Variants in FAM13A observed in about 807,000 individuals in gnomAD.
FAM13A encodes the protein protein FAM13A.
Under a neutral mutation model 129.6 loss-of-function variants are expected in FAM13A, and 76 were observed. That is an observed-to-expected ratio of 0.59 (90% confidence interval 0.49 to 0.71). The LOEUF (loss-of-function observed/expected upper bound fraction) is 0.71. Ranked by LOEUF, FAM13A falls within the 30% of genes least tolerant of loss-of-function variation. FAM13A has a pLI of 0.00. For synonymous variants in FAM13A, 443 were observed against 449.9 expected (o/e 0.98, Z 0.20); for missense variants, 1,108 against 1,249.3 (o/e 0.89, Z 1.70).
chr4:88,927,131 T>A (rs1372298977), intron 5 of FAM13A, among the ~76,000 whole-genome samples: 1 of 152,204 alleles, frequency 6.6e-6, no homozygotes, highest in East Asian at 1.9e-4. Context: ...ACAGTTTTTT[T>A]TCCACCGGTG....
chr4:88,818,844 C>T (rs1054934655), intron 7 of FAM13A, among the ~76,000 whole-genome samples: 1 of 152,218 alleles, frequency 6.6e-6, no homozygotes. Flanking sequence ...TCTCCACGAG[C>T]AGCAGAGGGC....
intron 7 of FAM13A, among the ~76,000 whole-genome samples, chr4:88,830,760 G>A (rs776460198): frequency 2.6e-5 from 4 of 152,150 alleles, no homozygotes; most frequent in Non-Finnish European, 5.9e-5. Flanking sequence ...GTGAAGAGGG[G>A]AGGGAAGAGC....
At chr4:88,764,842 A>G (rs887657148) in intron 13 of FAM13A, among the ~76,000 whole-genome samples, 3 of 152,170 alleles carry the variant, frequency 2.0e-5, no homozygotes, top group African/African-American at 7.2e-5. Flanking sequence ...CCAGTGTGTC[A>G]CTAAACAAAT....
At position 88,982,118 on chromosome 4, in the gene FAM13A, G is replaced by A. The variant is rs190102755; in HGVS notation, c.605+8855C>T. Reference sequence around the variant, plus strand: ...GGGTAGAGCCAAGGCAATCTGAGGAGGTCAGAAGGTGTCTGATACAAGTAC... The same window carrying A: ...GGGTAGAGCCAAGGCAATCTGAGGAAGTCAGAAGGTGTCTGATACAAGTAC... On this transcript the variant is annotated intron_variant, in intron 4 of 23. Transcript: ENST00000264344. 2.4e-4 allele frequency among the ~76,000 whole-genome samples: 36 copies of A among 152,318 alleles called. No individual in the cohort carries two copies. In the East Asian group the frequency reaches 6.2e-3, roughly 26 times the overall value.
At chr4:88,794,170 G>A (rs984320747) in intron 8 of FAM13A, among the ~76,000 whole-genome samples, 52 of 151,862 alleles carry the variant, frequency 3.4e-4, no homozygotes, top group Non-Finnish European at 5.9e-5. Context: ...ATATGGAAGC[G>A]TTCATTTCCT....
chr4:88,959,058 A>G (rs990264740), intron 4 of FAM13A, among the ~76,000 whole-genome samples: 2 of 152,334 alleles, frequency 1.3e-5, no homozygotes, highest in Admixed American at 6.5e-5. Flanking sequence ...GTGTTTACCT[A>G]ATGCATATAC....
chr4:89,034,922 G>A (rs2149141187), intron 1 of FAM13A, among the ~76,000 whole-genome samples: 2 of 152,252 alleles, frequency 1.3e-5, no homozygotes, highest in South Asian at 4.1e-4. Flanking sequence ...AAAGATATAT[G>A]TGCTCATATG....
intron 20 of FAM13A, among the ~76,000 whole-genome samples, chr4:88,738,096 C>G (rs1343386028): frequency 6.6e-6 from 1 of 152,192 alleles, no homozygotes; most frequent in Non-Finnish European, 1.5e-5. Context: ...ATACACCTGC[C>G]TGAGATCTCT....
At chr4:89,043,093 G>A (rs753531890) in intron 1 of FAM13A, among the ~76,000 whole-genome samples, 3 of 152,182 alleles carry the variant, frequency 2.0e-5, no homozygotes, top group African/African-American at 7.2e-5. Flanking sequence ...ACTGGGGCAG[G>A]AGTCTAGAAA....
intron 3 of FAM13A, among the ~76,000 whole-genome samples, chr4:89,008,070 ATC>A (rs2149076140): frequency 1.3e-5 from 2 of 151,884 alleles, no homozygotes; most frequent in East Asian, 3.9e-4. Context: ...GATTTCCGAG[ATC>A]TGTCGGAGAT....
At chr4:88,794,047 G>C (rs561117805) in intron 8 of FAM13A, among the ~76,000 whole-genome samples, 2 of 152,092 alleles carry the variant, frequency 1.3e-5, no homozygotes, top group Admixed American at 6.5e-5. Context: ...TTCTTCATCT[G>C]TATGTAGCTT....
chr4:88,967,684 T>C (rs1324555378), intron 4 of FAM13A, among the ~76,000 whole-genome samples: 1 of 152,102 alleles, frequency 6.6e-6, no homozygotes, highest in Admixed American at 6.5e-5. Context: ...GCAAGAGCAA[T>C]GGGTAGAAAA....
chr4:88,854,868 T>C (rs36072012), intron 6 of FAM13A, among the ~76,000 whole-genome samples: 66 of 152,324 alleles, frequency 4.3e-4, no homozygotes, highest in Non-Finnish European at 6.9e-4. Flanking sequence ...TAGAAAACAT[T>C]CTCTTAAATC....
intron 8 of FAM13A, among the ~76,000 whole-genome samples, chr4:88,797,160 C>A (rs2149703520): frequency 6.6e-6 from 1 of 152,060 alleles, no homozygotes; most frequent in Non-Finnish European, 1.5e-5. Flanking sequence ...TAGCTGGGCA[C>A]ACACTATACT....
chr4:88,867,048 T>C (rs961462820), intron 6 of FAM13A, among the ~76,000 whole-genome samples: 4 of 152,218 alleles, frequency 2.6e-5, no homozygotes, highest in Non-Finnish European at 5.9e-5. Flanking sequence ...AAAGTTGCCA[T>C]GAACACTGAA....
intron 19 of FAM13A, among the ~76,000 whole-genome samples, chr4:88,742,303 G>A (rs1740435577): frequency 6.6e-6 from 1 of 152,184 alleles, no homozygotes; most frequent in African/African-American, 2.4e-5. Flanking sequence ...GAAGATCACT[G>A]GCTTAATTCT....
intron 6 of FAM13A, among the ~76,000 whole-genome samples, chr4:88,870,402 T>C (rs894533124): frequency 1.3e-5 from 2 of 152,214 alleles, no homozygotes; most frequent in African/African-American, 4.8e-5. Flanking sequence ...TGACAGACTG[T>C]ACCTGGAAAA....
At chr4:88,833,617 G>A (rs969786622) in intron 7 of FAM13A, among the ~76,000 whole-genome samples, 2 of 152,096 alleles carry the variant, frequency 1.3e-5, no homozygotes, top group Non-Finnish European at 2.9e-5. Context: ...TGAACATGGT[G>A]GCTCACGCCT....
intron 7 of FAM13A, 87 bp from the exon 8 acceptor site, chr4:88,805,139 G>A (rs2149746537): frequency 2.6e-6 from 2 of 754,810 alleles, no homozygotes; most frequent in African/African-American, 1.8e-5. Context: ...TGTAAAAAAT[G>A]TTGATTTAGC....
Sources: allele counts gnomAD v4.1 joint callset (sites outside exome capture counted in the v4.1 genomes callset), GRCh38; gene constraint gnomAD v4.1.1; transcripts MANE v1.5; gene names NCBI Gene and HGNC (gene_info 2026-07-23, HGNC 2026-07-21).